FAM135B: variants seen among roughly 807,000 people sequenced by gnomAD.
FAM135B encodes the protein protein FAM135B.
In FAM135B, 43 loss-of-function variants were observed where a neutral mutation model predicts 127.7. The ratio of observed to expected loss-of-function variants is 0.34; its 90% confidence interval spans 0.26 to 0.43. The LOEUF is 0.43. Among genes scored for constraint, FAM135B ranks in the 20% least tolerant of loss-of-function variants. The pLI is 1.00. For synonymous variants in FAM135B, 670 were observed against 665.1 expected, an observed-to-expected ratio of 1.01 and a Z score of -0.11; for missense variants, 1,558 against 1,725.6, an observed-to-expected ratio of 0.90 and a Z score of 1.72.
chr8:138,369,778 A>G (rs1830999317), intron 1 of FAM135B, among the ~76,000 whole-genome samples: 1 of 152,098 alleles, frequency 6.6e-6, no homozygotes, highest in South Asian at 2.1e-4. Flanking sequence ...TCCCTTCATA[A>G]TCACATTAAA....
At chr8:138,136,563 T>G (rs1033829765) in intron 19 of FAM135B, among the ~76,000 whole-genome samples, 5 of 152,162 alleles carry the variant, frequency 3.3e-5, no homozygotes, top group Non-Finnish European at 7.3e-5. Flanking sequence ...TAAAATTGTT[T>G]CAAAATTAAA....
At chr8:138,168,265 T>C (rs1820127471) in intron 11 of FAM135B, among the ~76,000 whole-genome samples, 1 of 152,158 alleles carries the variant, frequency 6.6e-6, no homozygotes, top group Non-Finnish European at 1.5e-5. Context: ...AGGACATGGA[T>C]TGTAGGATTA....
chr8:138,494,237 T>G (rs1327643954), intron 1 of FAM135B, among the ~76,000 whole-genome samples: 1 of 152,210 alleles, frequency 6.6e-6, no homozygotes, highest in African/African-American at 2.4e-5. Context: ...CAGCCAGGAA[T>G]GGCCTTTCTG....
At chr8:138,315,408 T>C (rs896770735) in intron 2 of FAM135B, among the ~76,000 whole-genome samples, 1 of 152,094 alleles carries the variant, frequency 6.6e-6, no homozygotes, top group Non-Finnish European at 1.5e-5. Context: ...AAAAATAACA[T>C]GGAGGTTACT....
chr8:138,201,960 T>A (rs918543806), intron 7 of FAM135B, among the ~76,000 whole-genome samples: 6 of 151,924 alleles, frequency 3.9e-5, no homozygotes, highest in African/African-American at 1.2e-4. Context: ...ACTCCCTCTC[T>A]GCTAAAAATG....
intron 7 of FAM135B, among the ~76,000 whole-genome samples, chr8:138,220,796 GAAC>G (rs1388837984): frequency 4.6e-5 from 7 of 152,108 alleles, no homozygotes; most frequent in Non-Finnish European, 8.8e-5. Context: ...ATAGGAAATA[GAAC>G]AACAACTAAC....
intron 2 of FAM135B, among the ~76,000 whole-genome samples, chr8:138,332,698 G>C (rs1014333812): frequency 6.6e-6 from 1 of 152,062 alleles, no homozygotes; most frequent in Non-Finnish European, 1.5e-5. Context: ...TGAACACGGA[G>C]TGCAGGAAAC....
intron 7 of FAM135B, among the ~76,000 whole-genome samples, chr8:138,239,035 A>C (rs187177041): frequency 1.3e-5 from 2 of 152,354 alleles, no homozygotes; most frequent in African/African-American, 4.8e-5. Flanking sequence ...GAAGAGAAAT[A>C]AAAAGAAAAT....
intron 3 of FAM135B, among the ~76,000 whole-genome samples, chr8:138,308,610 C>T (rs1247777690): frequency 1.4e-5 from 2 of 146,008 alleles, no homozygotes; most frequent in Admixed American, 1.4e-4. Context: ...TTCTGTTAAA[C>T]TATACTAGAA....
In FAM135B at chr8:138,347,750, G is replaced by A. The variant is rs368068041; in HGVS notation, c.77+20157C>T. Among the ~76,000 whole-genome samples the A allele has an allele frequency of 5.9e-5, 9 of 152,156 alleles. No individual in the cohort carries two copies. The East Asian group carries it at 1.6e-3, about 26-fold the overall frequency. On this transcript the variant is annotated intron_variant, in intron 2 of 19. Coordinates refer to ENST00000395297, the MANE Select transcript of FAM135B (RefSeq NM_015912.4). The stretch of plus-strand genomic sequence containing the variant: ...TGTTCTAGGACAATCAGACTGGTAG[G>A]GATCAATATGACCTTAGAGATTCCC...
intron 12 of FAM135B, among the ~76,000 whole-genome samples, chr8:138,164,171 A>G (rs916148775): frequency 6.6e-6 from 1 of 152,230 alleles, no homozygotes; most frequent in African/African-American, 2.4e-5. Context: ...ATCTGGGGTT[A>G]AAGAATCATC....
chr8:138,225,541 G>A (rs936843390), intron 7 of FAM135B, among the ~76,000 whole-genome samples: 1 of 152,056 alleles, frequency 6.6e-6, no homozygotes, highest in Non-Finnish European at 1.5e-5. Flanking sequence ...GTGTAGGTGT[G>A]TGTGTGTGTG....
chr8:138,174,326 C>G (rs1483570212), intron 11 of FAM135B, among the ~76,000 whole-genome samples: 1 of 152,166 alleles, frequency 6.6e-6, no homozygotes, highest in East Asian at 1.9e-4. Flanking sequence ...GAGTGCGCTG[C>G]TGCCTTATGT....
chr8:138,224,445 T>C (rs529070872), intron 7 of FAM135B, among the ~76,000 whole-genome samples: 26 of 152,236 alleles, frequency 1.7e-4, no homozygotes, highest in Non-Finnish European at 3.4e-4. Flanking sequence ...TTTATTTATT[T>C]ATTTTTTTTG....
chr8:138,294,962 T>C (rs1825370185), intron 3 of FAM135B, among the ~76,000 whole-genome samples: 1 of 152,140 alleles, frequency 6.6e-6, no homozygotes, highest in South Asian at 2.1e-4. Context: ...TTTCCTCTGG[T>C]TCATAGTCAA....
Position 138,242,953 on chromosome 8 carries a change from T to C in FAM135B, c.658A>G (p.Thr220Ala), listed in dbSNP as rs1820947967. The change falls in exon 7 of 20, where the codon ACT (threonine) becomes GCT (alanine). Residue 220 changes from threonine to alanine, a missense_variant. Physicochemically the swap from Thr to Ala is moderately conservative, Grantham distance 58. Transcript: ENST00000395297. This position sits in a 1 kb window ranked among gnomAD's most constrained non-coding sequence, Gnocchi z 9.6. ...LVFGAGYCKP[T>A]SSEGSFYITS... ...CACACAGGCCTTACCTCTGAGGAAG[T>C]CGGCTTGCAGTACCCAGCTCCAAAG... The C allele has an allele frequency of 1.9e-6, 3 of 1,613,594 alleles. No individual in the cohort carries two copies. The highest frequency in any genetic ancestry group is 2.5e-6 in the Non-Finnish European group (3 of 1,179,768).
intron 1 of FAM135B, among the ~76,000 whole-genome samples, chr8:138,457,092 T>C (rs980245332): frequency 8.8e-6 from 1 of 113,826 alleles, no homozygotes; most frequent in Admixed American, 1.0e-4. Flanking sequence ...AAAATGCCTC[T>C]AGAAAAGAGA....
chr8:138,216,326 A>G (rs1046936242), intron 7 of FAM135B, among the ~76,000 whole-genome samples: 4 of 152,214 alleles, frequency 2.6e-5, no homozygotes, highest in East Asian at 1.9e-4. Flanking sequence ...TCCTCAGACT[A>G]TCTTTTAATA....
At chr8:138,158,015 A>T (rs1247551959) in intron 12 of FAM135B, among the ~76,000 whole-genome samples, 1 of 152,192 alleles carries the variant, frequency 6.6e-6, no homozygotes, top group Non-Finnish European at 1.5e-5. Flanking sequence ...AAAAGAACAA[A>T]GCTGGAGGCA....
Sources: allele counts gnomAD v4.1 joint callset (sites outside exome capture counted in the v4.1 genomes callset), GRCh38; gene constraint gnomAD v4.1.1; non-coding constraint Gnocchi (gnomAD v3.1); transcripts MANE v1.5; gene names NCBI Gene and HGNC (gene_info 2026-07-23, HGNC 2026-07-21).